Variants in ERCC8 observed in about 807,000 individuals in gnomAD.
ERCC8 encodes the protein DNA excision repair protein ERCC-8.
ERCC8 carries 52 observed loss-of-function variants against 54.9 expected under a neutral mutation model. That is an observed-to-expected ratio of 0.95 (90% CI 0.76 to 1.19). The LOEUF (loss-of-function observed/expected upper bound fraction) is 1.19. Ranked by LOEUF, ERCC8 falls within the 50% of genes most tolerant of loss-of-function variation. ERCC8 has a pLI of 0.00. For missense variants in ERCC8, 514 were observed against 466.1 expected (o/e 1.10, Z -0.95); for synonymous variants, 146 against 157.2 (o/e 0.93, Z 0.53).
At chr5:60,937,817 T>C (rs915946921) in intron 1 of ERCC8, among the ~76,000 whole-genome samples, 2 of 152,060 alleles carry the variant, frequency 1.3e-5, no homozygotes, top group South Asian at 4.1e-4. Context: ...CTCTCCGCTT[T>C]CCTGGAGCGT....
rs752236421 is a variant in ERCC8 at position 60,903,599 on chromosome 5, T to A, written c.550+49A>T. 1.9e-6 allele frequency: 3 copies of A among 1,609,782 alleles called. No homozygotes were observed. The Admixed American group carries it at 5.0e-5, about 27-fold the overall frequency. Reference sequence around the variant, plus strand: ...ACACTGTTAGTAACGTTTCTTTTTATTGAATCGTTTACTCAAAGTAGTTGC... The same window carrying A: ...ACACTGTTAGTAACGTTTCTTTTTAATGAATCGTTTACTCAAAGTAGTTGC... On this transcript the variant is annotated intron_variant, in intron 6 of 11. Transcript: ENST00000676185.
chr5:60,911,806 A>C (rs986023286), intron 4 of ERCC8, among the ~76,000 whole-genome samples: 9 of 152,086 alleles, frequency 5.9e-5, no homozygotes, highest in African/African-American at 2.2e-4. Flanking sequence ...AGCTTTCTAC[A>C]TATGGCTAGC....
chr5:60,902,520 A>C lies in ERCC8; in HGVS notation c.551-12T>G. 6.2e-7 allele frequency: 1 copy of C among 1,605,506 alleles called. No individual in the cohort carries two copies. The highest frequency in any genetic ancestry group is 1.7e-4 in the Middle Eastern group (1 of 6,046). On this transcript the variant is annotated splice_polypyrimidine_tract_variant and intron_variant, in intron 6 of 11. Coordinates refer to ENST00000676185, the MANE Select transcript of ERCC8 (RefSeq NM_000082.4). ...TTCTTGTCTGTGACCTGCAAATACA[A>C]CTATATGAAAAGTCTTGCAAGATAT...
chr5:60,942,165 T>C (rs1389216331), intron 1 of ERCC8, among the ~76,000 whole-genome samples: 1 of 151,988 alleles, frequency 6.6e-6, no homozygotes, highest in Non-Finnish European at 1.5e-5. Flanking sequence ...AACAGTCAAA[T>C]GAAAGCAGGA....
At chr5:60,906,653 C>T (rs377205472) in intron 4 of ERCC8, among the ~76,000 whole-genome samples, 7 of 151,828 alleles carry the variant, frequency 4.6e-5, no homozygotes, top group South Asian at 2.1e-4. Flanking sequence ...CGCTTGAACC[C>T]GGGAGGCAGA....
rs4647071 is a variant in ERCC8 at position 60,923,530 on chromosome 5, T to C, written c.174-1375A>G. ...TAATTTAGGAAATAACAATAGTTGA[T>C]GAGGTATATGATAAGTTCAGAGAAA... On this transcript the variant is annotated intron_variant, in intron 2 of 11. Transcript: ENST00000676185. Among the ~76,000 whole-genome samples, 32 of 152,258 alleles carry C rather than the reference T, an allele frequency of 2.1e-4. No homozygotes were observed. In the South Asian group the frequency reaches 6.4e-3, roughly 31 times the overall value.
chr5:60,931,438 C>T (rs1018671723), intron 1 of ERCC8, among the ~76,000 whole-genome samples: 1 of 152,106 alleles, frequency 6.6e-6, no homozygotes, highest in East Asian at 1.9e-4. Flanking sequence ...TCCCAAATAG[C>T]TAGGACTACA....
chr5:60,867,192 G>GT lies in ERCC8; in HGVS notation c.*7422dup, dbSNP rs1747771142. Among the ~76,000 whole-genome samples, 1 of 152,084 alleles carries GT rather than the reference G, an allele frequency of 6.6e-6. No homozygotes were observed. The highest frequency in any genetic ancestry group is 2.4e-5 in the African/African-American group (1 of 41,414). Reference sequence around the variant, plus strand: ...GGAAAAAAAATATCCAAATGTATATGTTTCCTTGGTAGTGACCTAAGACAG... The same window carrying GT: ...GGAAAAAAAATATCCAAATGTATATGTTTTCCTTGGTAGTGACCTAAGACAG... On this transcript the variant is annotated 3_prime_UTR_variant, in exon 12 of 12. Transcript: ENST00000676185.
intron 4 of ERCC8, among the ~76,000 whole-genome samples, chr5:60,906,406 T>G (rs1321830538): frequency 6.6e-6 from 1 of 151,646 alleles, no homozygotes; most frequent in African/African-American, 2.4e-5. Flanking sequence ...ACAAAGGTGG[T>G]TGAGTTTTGG....
intron 4 of ERCC8, among the ~76,000 whole-genome samples, chr5:60,907,802 C>T (rs1398670755): frequency 6.6e-6 from 1 of 152,170 alleles, no homozygotes; most frequent in Non-Finnish European, 1.5e-5. Flanking sequence ...AATCTTTCCT[C>T]CTCTTCAAAT....
chr5:60,944,286 G>C (rs1311607836), intron 1 of ERCC8, among the ~76,000 whole-genome samples: 1 of 152,008 alleles, frequency 6.6e-6, no homozygotes, highest in Non-Finnish European at 1.5e-5. Flanking sequence ...CTCTCTCCCG[G>C]ACAAGTGTAA....
chr5:60,904,080 A>G (rs1323184188), intron 5 of ERCC8, among the ~76,000 whole-genome samples: 1 of 152,106 alleles, frequency 6.6e-6, no homozygotes, highest in Non-Finnish European at 1.5e-5. Context: ...GTATTGGTAA[A>G]TGTGTATGTA....
Position 60,867,035 on chromosome 5 carries a change from A to C in ERCC8, c.*7580T>G, listed in dbSNP as rs2112444060. On this transcript the variant is annotated 3_prime_UTR_variant, in exon 12 of 12. Coordinates refer to ENST00000676185, the MANE Select transcript of ERCC8 (RefSeq NM_000082.4). ...GTATTTTTAGTAAAGACGGGGTTTC[A>C]CCATGTTAGCCAGGATGGTCTCGAT... 1 of 151,764 alleles carries C rather than the reference A, an allele frequency of 6.6e-6. No homozygotes were observed. Among genetic ancestry groups the C allele is most frequent in the Non-Finnish European group, 1.5e-5 (1 of 67,954 alleles). The allele number at this position is 151,764 out of a possible 1,614,324, so 9.4% of individuals were successfully genotyped here.
chr5:60,900,290 A>G (rs1748837851), intron 7 of ERCC8, among the ~76,000 whole-genome samples: 1 of 152,082 alleles, frequency 6.6e-6, no homozygotes, highest in African/African-American at 2.4e-5. Flanking sequence ...CCTAGAAATT[A>G]GACACTTACT....
At chr5:60,944,698 C>T in intron 1 of ERCC8, among the ~76,000 whole-genome samples, 1 of 142,060 alleles carries the variant, frequency 7.0e-6, no homozygotes, top group African/African-American at 2.6e-5. Flanking sequence ...CCTGAGCCCG[C>T]GGGGGAACCC....
At chr5:60,936,189 C>T (rs574306397) in intron 1 of ERCC8, among the ~76,000 whole-genome samples, 3 of 152,202 alleles carry the variant, frequency 2.0e-5, no homozygotes, top group African/African-American at 7.2e-5. Flanking sequence ...CCATTTCAAT[C>T]TCATTGCTTG....
Position 60,872,095 on chromosome 5 carries a change from ATAGCTTTTTCAAAC to A in ERCC8, c.*2506_*2519del, listed in dbSNP as rs1394673664. ...GGATTACAACCACCGTGCCCGGCCA[ATAGCTTTTTCAAAC>A]TAGCTTTTTCAAAGGTCAAATGCAT... On this transcript the variant is annotated 3_prime_UTR_variant, in exon 12 of 12. Transcript: ENST00000676185. Among the ~76,000 whole-genome samples, 4 of 152,176 alleles carry A rather than the reference ATAGCTTTTTCAAAC, an allele frequency of 2.6e-5. No homozygotes were observed. The highest frequency in any genetic ancestry group is 4.4e-5 in the Non-Finnish European group (3 of 68,030).
intron 11 of ERCC8, among the ~76,000 whole-genome samples, chr5:60,878,906 G>T (rs937029688): frequency 6.6e-6 from 1 of 152,006 alleles, no homozygotes; most frequent in African/African-American, 2.4e-5. Context: ...CTTACCTTCT[G>T]CTAGCTTTTG....
At position 60,871,679 on chromosome 5, in the gene ERCC8, T is replaced by C. The variant is rs1417708510; in HGVS notation, c.*2936A>G. ...CTTCCTTTTTAGATTTTTATGTTGT[T>C]TGAATTATTTATAATGAGCCTATAT... On this transcript the variant is annotated 3_prime_UTR_variant, in exon 12 of 12. Transcript: ENST00000676185. 6.6e-6 allele frequency among the ~76,000 whole-genome samples: 1 copy of C among 152,240 alleles called. No individual in the cohort carries two copies. The highest frequency in any genetic ancestry group is 1.5e-5 in the Non-Finnish European group (1 of 68,038).
Sources: gnomAD v4.1 joint callset for allele counts (sites outside exome capture counted in the v4.1 genomes callset) on GRCh38, gnomAD v4.1.1 for gene constraint, MANE v1.5 for transcripts, NCBI Gene and HGNC (gene_info 2026-07-23, HGNC 2026-07-21) for gene names.